DPYD: variants seen among roughly 807,000 people sequenced by gnomAD.
DPYD encodes the protein dihydropyrimidine dehydrogenase.
In DPYD, 109 loss-of-function variants were observed where a neutral mutation model predicts 116.2. The ratio of observed to expected loss-of-function variants is 0.94; its 90% confidence interval spans 0.80 to 1.10. The LOEUF (loss-of-function observed/expected upper bound fraction) is 1.10, where lower values mean the gene tolerates loss of function less well. Among genes scored for constraint, DPYD ranks in the 50% least tolerant of loss-of-function variants. The pLI is 0.00. For synonymous variants in DPYD, 440 were observed against 432.0 expected (o/e 1.02, Z -0.23); for missense variants, 1,302 against 1,254.5 (o/e 1.04, Z -0.57).
intron 20 of DPYD, among the ~76,000 whole-genome samples, chr1:97,176,328 T>A (rs1033506370): frequency 2.2e-4 from 34 of 152,126 alleles, no homozygotes; most frequent in Non-Finnish European, 2.9e-5. Context: ...TGCCATGAAA[T>A]CTCTGGCTTG....
intron 3 of DPYD, among the ~76,000 whole-genome samples, chr1:97,764,185 A>T (rs1665726393): frequency 6.6e-6 from 1 of 152,010 alleles, no homozygotes; most frequent in Admixed American, 6.6e-5. Flanking sequence ...AAAAGGAGGG[A>T]AGATTACATA....
At chr1:97,235,037 T>C in intron 18 of DPYD, 43 bp from the exon 19 acceptor site, 1 of 1,611,844 alleles carries the variant, frequency 6.2e-7, no homozygotes, top group Non-Finnish European at 8.5e-7. Flanking sequence ...CACTGACCAC[T>C]TGAGTATACT....
intron 18 of DPYD, among the ~76,000 whole-genome samples, chr1:97,244,676 C>T (rs543272630): frequency 2.3e-4 from 35 of 152,004 alleles, no homozygotes; most frequent in Non-Finnish European, 3.1e-4. Flanking sequence ...TATATATCTA[C>T]GAATATGTAT....
At chr1:97,768,680 T>C (rs919536142) in intron 3 of DPYD, among the ~76,000 whole-genome samples, 5 of 152,136 alleles carry the variant, frequency 3.3e-5, no homozygotes, top group Non-Finnish European at 4.4e-5. Flanking sequence ...ATGCTCCACA[T>C]TTTTTGCTGT....
At chr1:97,585,363 C>T (rs1056107907) in intron 10 of DPYD, among the ~76,000 whole-genome samples, 4 of 152,160 alleles carry the variant, frequency 2.6e-5, no homozygotes. Flanking sequence ...ACATTTGGAG[C>T]AGACCTTGAA....
chr1:97,523,789 T>A (rs1648858524), intron 12 of DPYD, among the ~76,000 whole-genome samples: 1 of 152,116 alleles, frequency 6.6e-6, no homozygotes, highest in Non-Finnish European at 1.5e-5. Context: ...AGTCCTGTTG[T>A]CCTCTCCACT....
At chr1:97,920,136 G>T (rs1055720719) in intron 1 of DPYD, among the ~76,000 whole-genome samples, 1 of 152,146 alleles carries the variant, frequency 6.6e-6, no homozygotes, top group Non-Finnish European at 1.5e-5. Context: ...AATCACTGTT[G>T]ATAATTAAAT....
chr1:97,383,532 TAAGACTTACA>T, intron 14 of DPYD, among the ~76,000 whole-genome samples: 2 of 152,030 alleles, frequency 1.3e-5, no homozygotes, highest in Middle Eastern at 3.4e-3. Flanking sequence ...AAGAAATTGC[TAAGACTTACA>T]TAGCTCTTAC....
intron 8 of DPYD, among the ~76,000 whole-genome samples, chr1:97,678,387 G>A (rs548702663): frequency 1.3e-5 from 2 of 152,186 alleles, no homozygotes; most frequent in East Asian, 1.9e-4. Context: ...TGGGGACCCC[G>A]ATTTAACATA....
At chr1:97,909,649 G>T (rs1302952925) in intron 1 of DPYD, among the ~76,000 whole-genome samples, 2 of 152,008 alleles carry the variant, frequency 1.3e-5, no homozygotes, top group Non-Finnish European at 2.9e-5. Context: ...CAAGAAAGTT[G>T]ACTATATACA....
Position 97,549,550 on chromosome 1 carries a change from A to C in DPYD, c.1524+10T>G, listed in dbSNP as rs1651156264. The C allele has an allele frequency of 6.2e-7, 1 of 1,613,708 alleles. No individual in the cohort carries two copies. The highest frequency in any genetic ancestry group is 8.5e-7 in the Non-Finnish European group (1 of 1,179,700). On this transcript the variant is annotated intron_variant, in intron 12 of 22. Coordinates refer to ENST00000370192, the MANE Select transcript of DPYD (RefSeq NM_000110.4). ...AAAAGAATTAAGTGGAAATGATGGC[A>C]AATGCCTACCTGTACGTATTTGTGA...
At chr1:97,290,522 A>T (rs1666067799) in intron 18 of DPYD, among the ~76,000 whole-genome samples, 1 of 152,100 alleles carries the variant, frequency 6.6e-6, no homozygotes, top group Non-Finnish European at 1.5e-5. Context: ...AGCCCTCAGA[A>T]ATAACACCGC....
chr1:97,588,759 G>C (rs1287985014), intron 10 of DPYD, among the ~76,000 whole-genome samples: 1 of 152,186 alleles, frequency 6.6e-6, no homozygotes, highest in Non-Finnish European at 1.5e-5. Context: ...TATTTAGCAT[G>C]TGTGTGAGGC....
intron 1 of DPYD, among the ~76,000 whole-genome samples, chr1:97,909,626 T>TC (rs1256711528): frequency 6.6e-6 from 1 of 151,756 alleles, no homozygotes; most frequent in Non-Finnish European, 1.5e-5. Context: ...TCAACTACCC[T>TC]CCCAACAGCA....
Position 97,807,386 on chromosome 1 carries a change from T to C in DPYD, c.233+20728A>G, listed in dbSNP as rs551173184. Reference sequence around the variant, plus strand: ...GTGTAGTGGTATCTGTTGTTTTAATTTGCAATTCCCTAATGACATATTTTC... The same window carrying C: ...GTGTAGTGGTATCTGTTGTTTTAATCTGCAATTCCCTAATGACATATTTTC... On this transcript the variant is annotated intron_variant, in intron 3 of 22. Transcript: ENST00000370192. Among the ~76,000 whole-genome samples the C allele has an allele frequency of 1.4e-4, 22 of 152,172 alleles. No homozygotes were observed. The East Asian group carries it at 3.1e-3, about 21-fold the overall frequency.
In DPYD at chr1:97,225,083, G is replaced by A. The variant is rs145582831; in HGVS notation, c.2442+9769C>T. Among the ~76,000 whole-genome samples, 1,210 of 151,298 alleles carry A rather than the reference G, an allele frequency of 8.0e-3. 15 individuals are homozygous for A. The highest frequency in any genetic ancestry group is 0.028 in the African/African-American group (1,164 of 41,248). Reference sequence around the variant, plus strand: ...TGTCTATCATCTATCTATATGTAGTGCTGATTTCATTTCCTTTGGGGATTT... The same window carrying A: ...TGTCTATCATCTATCTATATGTAGTACTGATTTCATTTCCTTTGGGGATTT... On this transcript the variant is annotated intron_variant, in intron 19 of 22. Coordinates refer to ENST00000370192, the MANE Select transcript of DPYD (RefSeq NM_000110.4).
chr1:97,582,251 T>A (rs2102214561), intron 10 of DPYD, among the ~76,000 whole-genome samples: 1 of 152,314 alleles, frequency 6.6e-6, no homozygotes. Context: ...TTAGAGCAAA[T>A]CCTAATGCAG....
At chr1:97,445,385 C>T (rs1044293249) in intron 14 of DPYD, among the ~76,000 whole-genome samples, 3 of 152,182 alleles carry the variant, frequency 2.0e-5, no homozygotes, top group African/African-American at 7.2e-5. Context: ...ATATAACATG[C>T]ATGTTTGTTC....
intron 10 of DPYD, among the ~76,000 whole-genome samples, chr1:97,579,260 G>A (rs1653475960): frequency 1.3e-5 from 2 of 152,194 alleles, no homozygotes; most frequent in African/African-American, 2.4e-5. Context: ...TTGGCACACA[G>A]TAGACCTTGA....
Sources: gnomAD v4.1 joint callset for allele counts (sites outside exome capture counted in the v4.1 genomes callset) on GRCh38, gnomAD v4.1.1 for gene constraint, MANE v1.5 for transcripts, NCBI Gene and HGNC (gene_info 2026-07-23, HGNC 2026-07-21) for gene names.